WWOX: variants seen among roughly 807,000 people sequenced by gnomAD.
WWOX encodes WW domain containing oxidoreductase, also known as WW domain-containing oxidoreductase.
In WWOX, 69 loss-of-function variants were observed where a neutral mutation model predicts 46.2. The ratio of observed to expected loss-of-function variants is 1.49; its 90% CI spans 1.23 to 1.82. WWOX has a LOEUF of 1.82. WWOX is among the 40% of genes most tolerant of loss of function. The pLI is 0.00. For missense variants in WWOX, 919 were observed against 542.6 expected (o/e 1.69, Z -6.89); for synonymous variants, 359 against 202.6 (o/e 1.77, Z -6.56).
chr16:78,545,157 T>A (rs1045302815), intron 8 of WWOX, among the ~76,000 whole-genome samples: 1 of 152,154 alleles, frequency 6.6e-6, no homozygotes, highest in Non-Finnish European at 1.5e-5. Context: ...ACTGACTGAT[T>A]AGCAGTAACT....
At chr16:78,828,962 G>A (rs980263326) in intron 8 of WWOX, among the ~76,000 whole-genome samples, 2 of 152,196 alleles carry the variant, frequency 1.3e-5, no homozygotes, top group African/African-American at 4.8e-5. Context: ...ACTTGCCAAA[G>A]CGACACAGCC....
At chr16:78,658,423 C>T (rs2047130285) in intron 8 of WWOX, among the ~76,000 whole-genome samples, 1 of 152,060 alleles carries the variant, frequency 6.6e-6, no homozygotes, top group African/African-American at 2.4e-5. Flanking sequence ...GTGTAGTTTC[C>T]CAGGGCTTCC....
At chr16:79,141,792 G>A (rs1025221990) in intron 8 of WWOX, among the ~76,000 whole-genome samples, 1 of 152,010 alleles carries the variant, frequency 6.6e-6, no homozygotes, top group African/African-American at 2.4e-5. Context: ...TCTTGGTGTT[G>A]TGATAAGCCC....
rs564504688 is a variant in WWOX, at chr16:78,396,686, C to T, written c.605+9738C>T. ...TATGTAAAGCACTAGACTAGACATT[C>T]GTCGGCAAAGTTTTTCTGCAAAGAA... is the stretch of plus-strand genomic sequence containing the variant. On this transcript the variant is annotated intron_variant, in intron 6 of 8. Coordinates refer to ENST00000566780, the MANE Select transcript of WWOX (RefSeq NM_016373.4). Among the ~76,000 whole-genome samples, 31 of 152,328 alleles carry T rather than the reference C, an allele frequency of 2.0e-4. No individual in the cohort carries two copies. The South Asian group carries it at 6.0e-3, about 30-fold the overall frequency.
intron 8 of WWOX, among the ~76,000 whole-genome samples, chr16:78,864,184 G>A (rs998528509): frequency 2.6e-5 from 4 of 152,000 alleles, no homozygotes; most frequent in Non-Finnish European, 4.4e-5. Context: ...GTAAATCTAT[G>A]GTTAATTCAT....
chr16:78,867,636 G>T (rs531850663), intron 8 of WWOX, among the ~76,000 whole-genome samples: 1 of 151,992 alleles, frequency 6.6e-6, no homozygotes, highest in Non-Finnish European at 1.5e-5. Context: ...AACATCCCAG[G>T]TTCAAGAGAG....
intron 8 of WWOX, among the ~76,000 whole-genome samples, chr16:78,575,060 T>TATATATAA (rs2044837691): frequency 5.4e-5 from 1 of 18,438 alleles, no homozygotes; most frequent in African/African-American, 1.7e-4. Context: ...TATATATATA[T>TATATATAA]ATATATATAT....
At chr16:78,319,179 G>T (rs1359628629) in intron 5 of WWOX, among the ~76,000 whole-genome samples, 1 of 152,146 alleles carries the variant, frequency 6.6e-6, no homozygotes, top group East Asian at 1.9e-4. Flanking sequence ...AGGGAGGCGG[G>T]CATGAGCCAC....
intron 8 of WWOX, among the ~76,000 whole-genome samples, chr16:78,709,681 G>T (rs916525967): frequency 6.6e-6 from 1 of 151,982 alleles, no homozygotes; most frequent in Admixed American, 6.6e-5. Flanking sequence ...GTCTGCTGAT[G>T]CATGTGAAAT....
chr16:78,720,474 C>CT (rs61447720), intron 8 of WWOX, among the ~76,000 whole-genome samples: 68,900 of 147,830 alleles, frequency 0.47, 16,465 homozygotes, highest in African/African-American at 0.6. Context: ...TTTTTTTCTT[C>CT]TTTTTTTTTT....
intron 8 of WWOX, among the ~76,000 whole-genome samples, chr16:78,680,731 C>T (rs566183647): frequency 4.6e-5 from 7 of 152,236 alleles, no homozygotes; most frequent in East Asian, 1.9e-4. Flanking sequence ...AGAACGTTTC[C>T]GTGACAGTAG....
chr16:79,144,796 TATG>T (rs2050154311), intron 8 of WWOX, among the ~76,000 whole-genome samples: 1 of 152,184 alleles, frequency 6.6e-6, no homozygotes, highest in Non-Finnish European at 1.5e-5. Context: ...TTACTTACAA[TATG>T]ATATTTTGAG....
intron 8 of WWOX, among the ~76,000 whole-genome samples, chr16:78,807,813 G>C (rs2051082835): frequency 6.6e-6 from 1 of 152,192 alleles, no homozygotes; most frequent in African/African-American, 2.4e-5. Context: ...TATTTAAACT[G>C]AAATGAATTA....
chr16:78,724,855 A>T (rs1393539920), intron 8 of WWOX, among the ~76,000 whole-genome samples: 2 of 152,154 alleles, frequency 1.3e-5, no homozygotes, highest in Non-Finnish European at 2.9e-5. Flanking sequence ...TACCTCTAAG[A>T]GTTCCTCAAG....
In WWOX at chr16:78,634,811, G is replaced by GGAGAGAGA. The variant is rs541433739; in HGVS notation, c.1056+202079_1056+202086dup. Among the ~76,000 whole-genome samples, 585 of 127,794 alleles carry GGAGAGAGA rather than the reference G, an allele frequency of 4.6e-3. 3 individuals are homozygous for GGAGAGAGA. The highest frequency in any genetic ancestry group is 0.012 in the African/African-American group (394 of 33,024). The allele number at this position is 127,794 out of a possible 152,430, so 83.8% of individuals were successfully genotyped here. A position where few individuals can be genotyped will look rare whatever the true frequency, so the allele number is the denominator to read the frequency against. On this transcript the variant is annotated intron_variant, in intron 8 of 8. Transcript: ENST00000566780. ...TAGTTTAGAGGCTCAGCACCCGACT[G>GGAGAGAGA]GAGAGAGAGAGAGAGAGAGAGAGAG...
chr16:78,964,429 T>G (rs1388856124), intron 8 of WWOX, among the ~76,000 whole-genome samples: 1 of 152,204 alleles, frequency 6.6e-6, no homozygotes, highest in Admixed American at 6.5e-5. Context: ...ATTTTGCCCC[T>G]GCGCTAGAGA....
intron 8 of WWOX, among the ~76,000 whole-genome samples, chr16:78,666,048 G>A (rs1164221168): frequency 1.3e-5 from 2 of 151,906 alleles, no homozygotes; most frequent in African/African-American, 2.4e-5. Flanking sequence ...ACTCTGGGAG[G>A]CTAAGGCTGG....
At chr16:78,836,780 T>G (rs2051996793) in intron 8 of WWOX, among the ~76,000 whole-genome samples, 1 of 152,170 alleles carries the variant, frequency 6.6e-6, no homozygotes, top group Non-Finnish European at 1.5e-5. Flanking sequence ...TCTGATCTCT[T>G]TAATTATTCT....
In WWOX at chr16:78,159,222, C is replaced by G. The variant is rs1024483051; in HGVS notation, c.410-4961C>G. On this transcript the variant is annotated intron_variant, in intron 4 of 8. Transcript: ENST00000566780. ...ATTCATTCATCAGTAGAAATTTAGG[C>G]TGCTTCCATGTCTTGGCTAGTATGA... 3.9e-5 allele frequency among the ~76,000 whole-genome samples: 6 copies of G among 152,140 alleles called. No homozygotes were observed. The South Asian group carries it at 1.2e-3, about 32-fold the overall frequency.
Sources: gnomAD v4.1 joint callset for allele counts (sites outside exome capture counted in the v4.1 genomes callset) on GRCh38, gnomAD v4.1.1 for gene constraint, MANE v1.5 for transcripts, NCBI Gene and HGNC (gene_info 2026-07-23, HGNC 2026-07-21) for gene names.